The following OSBP2 variants were observed in gnomAD, a reference collection of about 807,000 sequenced individuals.
The protein encoded by OSBP2 is oxysterol-binding protein 2.
A neutral mutation model predicts 96.0 loss-of-function variants in OSBP2; 66 were observed. That is an observed-to-expected ratio of 0.69 (90% confidence interval 0.56 to 0.84). The LOEUF is 0.84. Ranked by LOEUF, OSBP2 falls within the 40% of genes least tolerant of loss-of-function variation. OSBP2 has a pLI of 0.00. For synonymous variants in OSBP2, 525 were observed against 520.9 expected (o/e 1.01, Z -0.11); for missense variants, 1,038 against 1,222.7 (o/e 0.85, Z 2.25).
At chr22:30,886,440 A>ATGTT (rs2039811812) in intron 3 of OSBP2, among the ~76,000 whole-genome samples, 1 of 152,124 alleles carries the variant, frequency 6.6e-6, no homozygotes, top group Admixed American at 6.5e-5. Context: ...TAGATGACAA[A>ATGTT]TGTTTCCTAA....
At chr22:30,734,634 A>T (rs1398332592) in intron 1 of OSBP2, among the ~76,000 whole-genome samples, 1 of 152,202 alleles carries the variant, frequency 6.6e-6, no homozygotes, top group Non-Finnish European at 1.5e-5. Context: ...TACATCCCTA[A>T]ATTTTAGACC....
intron 2 of OSBP2, among the ~76,000 whole-genome samples, chr22:30,834,231 A>G (rs2147012136): frequency 6.6e-6 from 1 of 151,936 alleles, no homozygotes; most frequent in East Asian, 1.9e-4. Flanking sequence ...TAGAACATCC[A>G]CTCATCAGTT....
At chr22:30,893,070 G>T in intron 8 of OSBP2, 52 bp from the exon 9 acceptor site, 1 of 1,603,152 alleles carries the variant, frequency 6.2e-7, no homozygotes. Context: ...GGGGCAAGTG[G>T]AACCTGGGCT....
chr22:30,797,211 G>A (rs1413643164), intron 2 of OSBP2, among the ~76,000 whole-genome samples: 1 of 152,224 alleles, frequency 6.6e-6, no homozygotes, highest in Non-Finnish European at 1.5e-5. Context: ...GTATTCCACT[G>A]TATGGATAGA....
intron 2 of OSBP2, among the ~76,000 whole-genome samples, chr22:30,836,553 T>C (rs1420451370): frequency 6.6e-6 from 1 of 152,206 alleles, no homozygotes; most frequent in African/African-American, 2.4e-5. Context: ...ACCCCCTGAA[T>C]ATAATGCTTA....
At chr22:30,828,578 C>A (rs148691661) in intron 2 of OSBP2, among the ~76,000 whole-genome samples, 1 of 152,272 alleles carries the variant, frequency 6.6e-6, no homozygotes, top group African/African-American at 2.4e-5. Flanking sequence ...AAAGGCATTG[C>A]GAGTGGGCAG....
At chr22:30,856,373 C>CTTTTTTTTTTTTTTTTTTT (rs56875088) in intron 2 of OSBP2, among the ~76,000 whole-genome samples, 1 of 101,430 alleles carries the variant, frequency 9.9e-6, no homozygotes, top group African/African-American at 3.6e-5. Flanking sequence ...CAGAGCCCTT[C>CTTTTTTTTTTTTTTTTTTT]TTTTTTTTTT....
intron 2 of OSBP2, among the ~76,000 whole-genome samples, chr22:30,858,748 G>A (rs1009596314): frequency 1.4e-4 from 21 of 151,350 alleles, no homozygotes; most frequent in African/African-American, 4.4e-4. Context: ...GTGTGGTGGT[G>A]GATGCTTGTA....
In OSBP2 at chr22:30,906,483, A is replaced by G. The variant is rs1209834285; in HGVS notation, c.*144A>G. On this transcript the variant is annotated 3_prime_UTR_variant, in exon 14 of 14. Coordinates refer to ENST00000332585, the MANE Select transcript of OSBP2 (RefSeq NM_030758.4). Reference sequence around the variant, plus strand: ...TTTCCTATTTTTTTTTTCTCCCCACACTTTCTTGGGACTCCCACCTTGGAA... The same window carrying G: ...TTTCCTATTTTTTTTTTCTCCCCACGCTTTCTTGGGACTCCCACCTTGGAA... 9.9e-7 allele frequency: 1 copy of G among 1,012,884 alleles called. No homozygotes were observed. The highest frequency in any genetic ancestry group is 3.0e-5 in the East Asian group (1 of 33,512). 62.7% of individuals were successfully genotyped at this position (1,012,884 alleles called of 1,614,324 possible).
At chr22:30,747,634 C>G (rs539605781) in intron 2 of OSBP2, among the ~76,000 whole-genome samples, 2 of 152,140 alleles carry the variant, frequency 1.3e-5, no homozygotes, top group Non-Finnish European at 1.5e-5. Context: ...GGTAAGGCCC[C>G]GTGTGATCAG....
intron 2 of OSBP2, among the ~76,000 whole-genome samples, chr22:30,794,535 GA>G (rs1271347836): frequency 6.6e-6 from 1 of 151,666 alleles, no homozygotes; most frequent in Non-Finnish European, 1.5e-5. Context: ...AAAGTGCTGG[GA>G]TTACAGGCGT....
chr22:30,848,438 CTTA>C (rs914590592), intron 2 of OSBP2, among the ~76,000 whole-genome samples: 3 of 152,114 alleles, frequency 2.0e-5, no homozygotes, highest in South Asian at 2.1e-4. Context: ...TTAAATCAAC[CTTA>C]TTATTATTGA....
intron 2 of OSBP2, among the ~76,000 whole-genome samples, chr22:30,834,176 A>G (rs2038586394): frequency 6.6e-6 from 1 of 152,066 alleles, no homozygotes. Flanking sequence ...CAGCCTCCCA[A>G]CTTTATTCAT....
chr22:30,731,669 T>C lies in OSBP2; in HGVS notation c.645-9492T>C, dbSNP rs529680655. On this transcript the variant is annotated intron_variant, in intron 1 of 13. Transcript: ENST00000332585. ...CATGATATCAGCTCTCCTACTTCAATGTGGGAATCTCCGTTTTCCTTGGAG... is the reference window on the plus strand; with the variant it reads ...CATGATATCAGCTCTCCTACTTCAACGTGGGAATCTCCGTTTTCCTTGGAG... 9 of 154,720 alleles carry C rather than the reference T, an allele frequency of 5.8e-5. No homozygotes were observed. The South Asian group carries it at 1.4e-3, about 25-fold the overall frequency. 9.6% of individuals were successfully genotyped at this position (154,720 alleles called of 1,614,324 possible).
At chr22:30,709,590 A>T (rs547764199) in intron 1 of OSBP2, among the ~76,000 whole-genome samples, 1 of 152,058 alleles carries the variant, frequency 6.6e-6, no homozygotes, top group Non-Finnish European at 1.5e-5. Context: ...ATTTCGGCTT[A>T]CTGCAAACTC....
chr22:30,702,328 T>C (rs2089177104), intron 1 of OSBP2, among the ~76,000 whole-genome samples: 1 of 152,130 alleles, frequency 6.6e-6, no homozygotes, highest in Non-Finnish European at 1.5e-5. Flanking sequence ...AATAGTACCT[T>C]CTCTGCTGGG....
At chr22:30,854,259 T>C (rs1446022737) in intron 2 of OSBP2, among the ~76,000 whole-genome samples, 3 of 151,800 alleles carry the variant, frequency 2.0e-5, no homozygotes, top group Non-Finnish European at 2.9e-5. Context: ...GATGTAACCC[T>C]ACAATACACT....
Position 30,889,612 on chromosome 22 carries a change from G to A in OSBP2, c.1599G>A (p.Arg533=), listed in dbSNP as rs1451296297. Residue 533 remains arginine, a synonymous_variant, in exon 7 of 14, where the codon CGG becomes CGA. Coordinates refer to ENST00000332585, the MANE Select transcript of OSBP2 (RefSeq NM_030758.4). ...GCATCATGAAGAACTGCATCGGCCG[G>A]GAGCTCTCCAGGATCCCCATGCCGG... The part of the protein sequence containing the change: ...LWSIMKNCIG[R]ELSRIPMPVN... 1 of 1,613,936 alleles carries A rather than the reference G, an allele frequency of 6.2e-7. No homozygotes were observed. The highest frequency in any genetic ancestry group is 1.3e-5 in the African/African-American group (1 of 75,030).
At chr22:30,704,450 G>C (rs1486914211) in intron 1 of OSBP2, among the ~76,000 whole-genome samples, 1 of 152,060 alleles carries the variant, frequency 6.6e-6, no homozygotes, top group Non-Finnish European at 1.5e-5. Flanking sequence ...TTTTTACTGG[G>C]AGTTCGTCAT....
Sources: gnomAD v4.1 joint callset for allele counts (sites outside exome capture counted in the v4.1 genomes callset) on GRCh38, gnomAD v4.1.1 for gene constraint, MANE v1.5 for transcripts, NCBI Gene and HGNC (gene_info 2026-07-23, HGNC 2026-07-21) for gene names.